IL17B: variants seen among roughly 807,000 people sequenced by gnomAD.
The protein encoded by IL17B is interleukin-17B.
Under a neutral mutation model 14.7 loss-of-function variants are expected in IL17B, and 14 were observed. That is an observed-to-expected ratio of 0.95 (90% CI 0.63 to 1.49). The LOEUF is 1.49. Ranked by LOEUF, IL17B falls within the 40% of genes most tolerant of loss-of-function variation. IL17B has a pLI of 0.00. For synonymous variants in IL17B, 105 were observed against 94.8 expected, an observed-to-expected ratio of 1.11 and a Z score of -0.62; for missense variants, 233 against 252.8, an observed-to-expected ratio of 0.92 and a Z score of 0.53.
chr5:149,385,644 A>T (rs1758810925), intron 1 of IL17B, among the ~76,000 whole-genome samples: 1 of 152,214 alleles, frequency 6.6e-6, no homozygotes, highest in Non-Finnish European at 1.5e-5. Context: ...CCCCCTGCCC[A>T]CTGGAGTGTC....
Position 149,374,352 on chromosome 5 carries a change from CTTCTGGGCCAGGT to C in IL17B, c.*4_*16del, listed in dbSNP as rs778537657. ...GGATGGTCTCGGGCTGCTGGCCTGG[CTTCTGGGCCAGGT>C]GATTCAGAAGATGCAGGTGCAGCCC... On this transcript the variant is annotated 3_prime_UTR_variant, in exon 3 of 3. Coordinates refer to ENST00000261796, the MANE Select transcript of IL17B (RefSeq NM_014443.3). The surrounding 1 kb of genome is among the most constrained non-coding windows in gnomAD (Gnocchi z 5.0). 21 of 1,549,548 alleles carry C rather than the reference CTTCTGGGCCAGGT, an allele frequency of 1.4e-5. No individual in the cohort carries two copies. The Admixed American group carries it at 3.5e-4, about 26-fold the overall frequency.
rs754730200 is a variant in IL17B at position 149,374,336 on chromosome 5, C to G, written c.*33G>C. The G allele has an allele frequency of 6.5e-7, 1 of 1,528,618 alleles. No homozygotes were observed. The highest frequency in any genetic ancestry group is 1.4e-5 in the African/African-American group (1 of 73,738). 94.7% of individuals were successfully genotyped at this position (1,528,618 alleles called of 1,614,324 possible). ...CACAAAGGTGCAAGGAGGATGGTCT[C>G]GGGCTGCTGGCCTGGCTTCTGGGCC... On this transcript the variant is annotated 3_prime_UTR_variant, in exon 3 of 3. Transcript: ENST00000261796. This position sits in a 1 kb window ranked among gnomAD's most constrained non-coding sequence, Gnocchi z 5.0.
intron 1 of IL17B, among the ~76,000 whole-genome samples, chr5:149,394,467 C>T (rs1456538344): frequency 6.6e-6 from 1 of 152,200 alleles, no homozygotes; most frequent in Non-Finnish European, 1.5e-5. Flanking sequence ...AGTTTCAATG[C>T]TTTTACATAC....
chr5:149,402,328 GC>G (rs1010906850), intron 1 of IL17B, among the ~76,000 whole-genome samples: 1 of 152,122 alleles, frequency 6.6e-6, no homozygotes, highest in Admixed American at 6.5e-5. Context: ...ACCACCCAGG[GC>G]CCTTCAATGC....
Position 149,376,737 on chromosome 5 carries a change from T to G in IL17B, c.310A>C (p.Ser104Arg). 1 of 1,603,056 alleles carries G rather than the reference T, an allele frequency of 6.2e-7. No individual in the cohort carries two copies. Among genetic ancestry groups the G allele is most frequent in the Non-Finnish European group, 8.5e-7 (1 of 1,174,192 alleles). Residue 104 changes from serine to arginine, a missense_variant and splice_region_variant, in exon 2 of 3, where the codon AGC becomes CGC. By Grantham distance (110) the Ser-to-Arg change is moderately radical. Coordinates refer to ENST00000261796, the MANE Select transcript of IL17B (RefSeq NM_014443.3). ...NKRSLSPWGY[S>R]INHDPSRIPV... ...GCTTGCCACCACTGCCCAGCCTACC[T>G]GTAGCCCCAGGGAGACAGGCTCCTC...
At chr5:149,395,805 T>C (rs1300843797) in intron 1 of IL17B, among the ~76,000 whole-genome samples, 1 of 152,216 alleles carries the variant, frequency 6.6e-6, no homozygotes, top group Non-Finnish European at 1.5e-5. Context: ...CCTGAGTAGC[T>C]GGGACGACAG....
At chr5:149,403,316 G>A (rs964490197) in intron 1 of IL17B, among the ~76,000 whole-genome samples, 1 of 152,006 alleles carries the variant, frequency 6.6e-6, no homozygotes, top group Non-Finnish European at 1.5e-5. Context: ...AAACTCCTGG[G>A]CTCAAGAGAT....
intron 1 of IL17B, among the ~76,000 whole-genome samples, chr5:149,395,466 T>C (rs1299216464): frequency 1.3e-5 from 2 of 152,180 alleles, no homozygotes; most frequent in African/African-American, 4.8e-5. Flanking sequence ...ACAGATTTGG[T>C]AGAAATAACG....
intron 1 of IL17B, among the ~76,000 whole-genome samples, chr5:149,398,454 C>T (rs1759139943): frequency 6.6e-6 from 1 of 152,228 alleles, no homozygotes; most frequent in Admixed American, 6.5e-5. Context: ...AATAAACACT[C>T]ATACGTTTTT....
At chr5:149,401,212 T>C (rs1054079072) in intron 1 of IL17B, among the ~76,000 whole-genome samples, 1 of 152,238 alleles carries the variant, frequency 6.6e-6, no homozygotes, top group Admixed American at 6.5e-5. Context: ...TTTTCCTAAT[T>C]GCATAAGCTT....
intron 1 of IL17B, among the ~76,000 whole-genome samples, chr5:149,389,073 A>T (rs1758887239): frequency 6.6e-6 from 1 of 152,234 alleles, no homozygotes; most frequent in African/African-American, 2.4e-5. Flanking sequence ...TATTCTGTTC[A>T]CTTAATTGTG....
chr5:149,392,058 T>TA (rs1758979391), intron 1 of IL17B, among the ~76,000 whole-genome samples: 1 of 152,064 alleles, frequency 6.6e-6, no homozygotes, highest in African/African-American at 2.4e-5. Flanking sequence ...CAAGTGGGAG[T>TA]ACACAATGGT....
chr5:149,397,911 T>G (rs1462321470), intron 1 of IL17B, among the ~76,000 whole-genome samples: 1 of 152,090 alleles, frequency 6.6e-6, no homozygotes, highest in East Asian at 1.9e-4. Flanking sequence ...ACCATTTGCC[T>G]TCTGTATTTG....
exon 1 of IL17B, chr5:149,404,126 C>T (rs529436181): frequency 5.9e-5 from 9 of 152,214 alleles, no homozygotes; most frequent in Non-Finnish European, 1.3e-4. Flanking sequence ...AGTCTGTCGA[C>T]CTGTTTTCTC....
chr5:149,390,249 G>A (rs1292780572), intron 1 of IL17B, among the ~76,000 whole-genome samples: 1 of 148,952 alleles, frequency 6.7e-6, no homozygotes, highest in Non-Finnish European at 1.5e-5. Flanking sequence ...GGGAAAGATG[G>A]GTCAGGGGCC....
chr5:149,389,360 C>A (rs531316599), intron 1 of IL17B, among the ~76,000 whole-genome samples: 5 of 152,336 alleles, frequency 3.3e-5, no homozygotes, highest in Admixed American at 2.0e-4. Flanking sequence ...GGAAAAGAAA[C>A]TTTGCTTGAT....
At chr5:149,398,294 CTT>C (rs1759132921) in intron 1 of IL17B, among the ~76,000 whole-genome samples, 1 of 152,156 alleles carries the variant, frequency 6.6e-6, no homozygotes, top group African/African-American at 2.4e-5. Flanking sequence ...TCTTTTGGGA[CTT>C]TAACATTCAG....
intron 1 of IL17B, among the ~76,000 whole-genome samples, chr5:149,401,557 A>C (rs1449461163): frequency 1.3e-5 from 2 of 152,126 alleles, no homozygotes; most frequent in Non-Finnish European, 2.9e-5. Flanking sequence ...GTACAAAACT[A>C]GCCGGGTGTG....
intron 1 of IL17B, among the ~76,000 whole-genome samples, chr5:149,402,828 C>T (rs1230636824): frequency 4.0e-5 from 6 of 151,214 alleles, no homozygotes; most frequent in Admixed American, 1.3e-4. Flanking sequence ...ACGGTGAAAC[C>T]CCATCTCTAT....
Sources: gnomAD v4.1 joint callset for allele counts (sites outside exome capture counted in the v4.1 genomes callset) on GRCh38, gnomAD v4.1.1 for gene constraint, Gnocchi (gnomAD v3.1) non-coding constraint, MANE v1.5 for transcripts, NCBI Gene and HGNC (gene_info 2026-07-23, HGNC 2026-07-21) for gene names.